Variants in CHCHD3 observed in about 807,000 individuals in gnomAD.
The protein encoded by CHCHD3 is MICOS complex subunit MIC19.
Under a neutral mutation model 38.2 loss-of-function variants are expected in CHCHD3, and 20 were observed. The observed-to-expected ratio is 0.52, with a 90% confidence interval of 0.37 to 0.76. The LOEUF (loss-of-function observed/expected upper bound fraction) is 0.76, where lower values mean the gene tolerates loss of function less well. Among genes scored for constraint, CHCHD3 ranks in the 30% least tolerant of loss-of-function variants. CHCHD3 has a pLI of 0.00. For synonymous variants in CHCHD3, 82 were observed against 100.0 expected (o/e 0.82, Z 1.07); for missense variants, 245 against 279.2 (o/e 0.88, Z 0.87).
chr7:132,846,684 T>C (rs564508694), intron 5 of CHCHD3, among the ~76,000 whole-genome samples: 1 of 152,300 alleles, frequency 6.6e-6, no homozygotes, highest in East Asian at 1.9e-4. Flanking sequence ...CTCACAGAAA[T>C]AATGTTAGAG....
In CHCHD3 at chr7:133,082,013, T is replaced by A; in HGVS notation, c.-76A>T. The stretch of plus-strand genomic sequence containing the variant: ...CGGGGCCCCCGCACCCACACGCGCG[T>A]GGAAGGGCCTGGATTCTTTTCCCGC... On this transcript the variant is annotated 5_prime_UTR_variant, in exon 1 of 8. Coordinates refer to ENST00000262570, the MANE Select transcript of CHCHD3 (RefSeq NM_017812.4). 1.6e-6 allele frequency: 2 copies of A among 1,260,250 alleles called. No individual in the cohort carries two copies. The highest frequency in any genetic ancestry group is 2.2e-6 in the Non-Finnish European group (2 of 919,980). 78.1% of individuals were successfully genotyped at this position (1,260,250 alleles called of 1,614,324 possible).
At chr7:132,991,746 GT>G (rs1005750992) in intron 3 of CHCHD3, among the ~76,000 whole-genome samples, 8 of 149,680 alleles carry the variant, frequency 5.3e-5, no homozygotes, top group East Asian at 3.9e-4. Flanking sequence ...AAAACTCTTA[GT>G]TTTTTTTTTC....
At chr7:133,069,219 A>G (rs1455973957) in intron 2 of CHCHD3, among the ~76,000 whole-genome samples, 2 of 151,544 alleles carry the variant, frequency 1.3e-5, no homozygotes. Flanking sequence ...TCAAAGGGGC[A>G]AGAAGTCATT....
At chr7:133,021,048 C>T (rs1002190217) in intron 3 of CHCHD3, among the ~76,000 whole-genome samples, 2 of 152,074 alleles carry the variant, frequency 1.3e-5, no homozygotes, top group Non-Finnish European at 2.9e-5. Flanking sequence ...CCACTAGATG[C>T]CAATAACATT....
At chr7:132,809,923 A>G (rs1489812290) in intron 6 of CHCHD3, among the ~76,000 whole-genome samples, 1 of 152,208 alleles carries the variant, frequency 6.6e-6, no homozygotes, top group Non-Finnish European at 1.5e-5. Flanking sequence ...GTGCTCAAAC[A>G]ACATACGAAT....
chr7:133,041,092 T>G (rs1181480440), intron 2 of CHCHD3, among the ~76,000 whole-genome samples: 2 of 152,318 alleles, frequency 1.3e-5, no homozygotes. Flanking sequence ...AATGCCTCGA[T>G]CTAAAACCCT....
chr7:132,955,948 G>C (rs1040197483), intron 4 of CHCHD3, among the ~76,000 whole-genome samples: 1 of 152,142 alleles, frequency 6.6e-6, no homozygotes, highest in Non-Finnish European at 1.5e-5. Flanking sequence ...CTGACTTAGC[G>C]GGATTCTTGC....
At chr7:132,804,335 G>T (rs1806860136) in intron 6 of CHCHD3, among the ~76,000 whole-genome samples, 1 of 152,148 alleles carries the variant, frequency 6.6e-6, no homozygotes, top group African/African-American at 2.4e-5. Flanking sequence ...GTTCTGTGCA[G>T]AAATATAAGT....
intron 5 of CHCHD3, among the ~76,000 whole-genome samples, chr7:132,870,325 G>C (rs544959748): frequency 6.8e-6 from 1 of 146,956 alleles, no homozygotes; most frequent in African/African-American, 2.5e-5. Context: ...ACTCCAGCCT[G>C]GGTGACACTG....
At chr7:132,879,860 G>C (rs1375182986) in intron 5 of CHCHD3, among the ~76,000 whole-genome samples, 1 of 151,166 alleles carries the variant, frequency 6.6e-6, no homozygotes, top group African/African-American at 2.4e-5. Context: ...CTGCTTTAAT[G>C]ACTATAAATT....
intron 7 of CHCHD3, 97 bp from the exon 8 acceptor site, chr7:132,785,757 A>T: frequency 7.8e-7 from 1 of 1,288,152 alleles, no homozygotes; most frequent in Non-Finnish European, 1.1e-6. Flanking sequence ...CTTTTCAAAT[A>T]TCTAATTTTA....
At chr7:133,046,792 T>C (rs1403221830) in intron 2 of CHCHD3, among the ~76,000 whole-genome samples, 1 of 152,166 alleles carries the variant, frequency 6.6e-6, no homozygotes, top group East Asian at 1.9e-4. Context: ...CTCAATCTCC[T>C]GACCTCGTGA....
At chr7:133,066,895 A>C (rs1814685461) in intron 2 of CHCHD3, among the ~76,000 whole-genome samples, 1 of 152,216 alleles carries the variant, frequency 6.6e-6, no homozygotes, top group Non-Finnish European at 1.5e-5. Flanking sequence ...ACATCACTAA[A>C]AAGCAGCTCC....
At chr7:132,960,648 A>G (rs900684265) in intron 4 of CHCHD3, among the ~76,000 whole-genome samples, 2 of 152,182 alleles carry the variant, frequency 1.3e-5, no homozygotes, top group Non-Finnish European at 2.9e-5. Flanking sequence ...AACGTCAGAA[A>G]TTAGCAAAAC....
chr7:132,981,732 A>C (rs1355707375), intron 3 of CHCHD3, among the ~76,000 whole-genome samples: 1 of 152,240 alleles, frequency 6.6e-6, no homozygotes, highest in Non-Finnish European at 1.5e-5. Context: ...ATTACTTTAT[A>C]AATGTAATAC....
At chr7:133,062,869 G>GC (rs1814558478) in intron 2 of CHCHD3, among the ~76,000 whole-genome samples, 1 of 152,078 alleles carries the variant, frequency 6.6e-6, no homozygotes, top group Admixed American at 6.5e-5. Flanking sequence ...AGTAACAAGG[G>GC]CAGGGACCTC....
At chr7:132,816,406 A>G (rs1287957140) in intron 6 of CHCHD3, among the ~76,000 whole-genome samples, 1 of 152,162 alleles carries the variant, frequency 6.6e-6, no homozygotes, top group Non-Finnish European at 1.5e-5. Context: ...TTACCCTTTC[A>G]AAAAGTATCT....
At chr7:132,934,469 A>G (rs1810588872) in intron 4 of CHCHD3, among the ~76,000 whole-genome samples, 1 of 152,204 alleles carries the variant, frequency 6.6e-6, no homozygotes, top group Non-Finnish European at 1.5e-5. Flanking sequence ...ATCTGACCCC[A>G]CATCGCTGTT....
chr7:132,901,237 A>C (rs188782489), intron 4 of CHCHD3, among the ~76,000 whole-genome samples: 1 of 152,354 alleles, frequency 6.6e-6, no homozygotes, highest in Non-Finnish European at 1.5e-5. Context: ...AAGAGATAAG[A>C]TCTTGGGAAT....
Sources: gnomAD v4.1 joint callset for allele counts (sites outside exome capture counted in the v4.1 genomes callset) on GRCh38, gnomAD v4.1.1 for gene constraint, MANE v1.5 for transcripts, NCBI Gene and HGNC (gene_info 2026-07-23, HGNC 2026-07-21) for gene names.